The following ZRANB3 variants were observed in gnomAD, a reference collection of about 807,000 sequenced individuals.
ZRANB3 encodes the protein DNA annealing helicase and endonuclease ZRANB3.
Under a neutral mutation model 133.8 loss-of-function variants are expected in ZRANB3, and 125 were observed. The observed-to-expected ratio is 0.93, with a 90% confidence interval of 0.81 to 1.08. ZRANB3 has a LOEUF of 1.08. Ranked by LOEUF, ZRANB3 falls within the 50% of genes least tolerant of loss-of-function variation. The pLI, the probability that ZRANB3 is intolerant of heterozygous loss-of-function variation, is 0.00. For synonymous variants in ZRANB3, 387 were observed against 432.7 expected (o/e 0.89, Z 1.31); for missense variants, 1,229 against 1,275.5 (o/e 0.96, Z 0.56).
At chr2:135,293,730 G>A (rs1444091986) in intron 8 of ZRANB3, among the ~76,000 whole-genome samples, 2 of 149,844 alleles carry the variant, frequency 1.3e-5, no homozygotes, top group African/African-American at 4.9e-5. Flanking sequence ...TTGGTTGTGG[G>A]TTTGTCATAG....
chr2:135,225,310 T>C (rs1384338737), intron 14 of ZRANB3, among the ~76,000 whole-genome samples: 1 of 152,228 alleles, frequency 6.6e-6, no homozygotes. Context: ...AGTTCCTCAG[T>C]GATCTTTTAA....
In ZRANB3 at chr2:135,206,077, T is replaced by A. The variant is rs1470225645; in HGVS notation, c.3009+1357A>T. Among the ~76,000 whole-genome samples the A allele has an allele frequency of 6.6e-5, 10 of 151,998 alleles. 1 individual carries two copies. The highest frequency in any genetic ancestry group is 6.6e-4 in the Admixed American group (10 of 15,252). ...TACCTTGCAGATACAGGAAGACAAATCCAGAATGGCAAATGATCCAGTATA... is the reference window on the plus strand; with the variant it reads ...TACCTTGCAGATACAGGAAGACAAAACCAGAATGGCAAATGATCCAGTATA... On this transcript the variant is annotated intron_variant, in intron 19 of 20. Transcript: ENST00000264159.
At chr2:135,327,125 T>C (rs1452867343) in intron 6 of ZRANB3, among the ~76,000 whole-genome samples, 1 of 152,100 alleles carries the variant, frequency 6.6e-6, no homozygotes, top group Non-Finnish European at 1.5e-5. Flanking sequence ...TGTACTTTTG[T>C]ATATGTTAAT....
intron 3 of ZRANB3, among the ~76,000 whole-genome samples, chr2:135,380,283 G>T (rs1242420530): frequency 2.0e-5 from 3 of 152,166 alleles, no homozygotes; most frequent in Admixed American, 1.3e-4. Context: ...GGATATCCAG[G>T]ACTTGAAGAC....
At chr2:135,261,008 T>C (rs1679937229) in intron 12 of ZRANB3, among the ~76,000 whole-genome samples, 1 of 148,458 alleles carries the variant, frequency 6.7e-6, no homozygotes, top group Non-Finnish European at 1.5e-5. Flanking sequence ...TACTTGAATA[T>C]ATAATATTCA....
chr2:135,319,537 GA>G (rs1328644756), intron 6 of ZRANB3, among the ~76,000 whole-genome samples: 35 of 149,188 alleles, frequency 2.3e-4, no homozygotes, highest in African/African-American at 6.6e-4. Context: ...AATCAAATTT[GA>G]AAAAAATCTC....
chr2:135,313,477 A>C lies in ZRANB3; in HGVS notation c.966+12T>G. 6.4e-7 allele frequency: 1 copy of C among 1,559,220 alleles called. No homozygotes were observed. The highest frequency in any genetic ancestry group is 2.3e-5 in the East Asian group (1 of 44,358). Reference sequence around the variant, plus strand: ...TATGAAGACAAATACATGATGGCCCAGCAAAGAGTACCTTGGCAATAGCAG... The same window carrying C: ...TATGAAGACAAATACATGATGGCCCCGCAAAGAGTACCTTGGCAATAGCAG... On this transcript the variant is annotated intron_variant, in intron 8 of 20. Transcript: ENST00000264159.
At position 135,230,865 on chromosome 2, in the gene ZRANB3, C is replaced by T. The variant is rs769675112; in HGVS notation, c.1602G>A (p.Gln534=). 6.3e-7 allele frequency: 1 copy of T among 1,598,714 alleles called. No individual in the cohort carries two copies. The highest frequency in any genetic ancestry group is 1.3e-5 in the African/African-American group (1 of 74,140). ...TTGATTCGTCACAGGAGGTCATCAA[C>T]TGTCTTTTTTTAGGTTGTGGTACAA... ...SFFVPQPKKR[Q]LMTSCDESKR... The change falls in exon 13 of 21, where the codon CAG becomes CAA. Residue 534 remains glutamine, a synonymous_variant. Coordinates refer to ENST00000264159, the MANE Select transcript of ZRANB3 (RefSeq NM_032143.4).
intron 3 of ZRANB3, among the ~76,000 whole-genome samples, chr2:135,367,249 A>G (rs1421083583): frequency 7.2e-5 from 11 of 152,144 alleles, no homozygotes; most frequent in Admixed American, 5.9e-4. Flanking sequence ...CTCAGTTTAT[A>G]GTGTTTAAAA....
At chr2:135,496,057 T>C (rs1261312174) in intron 2 of ZRANB3, among the ~76,000 whole-genome samples, 1 of 152,132 alleles carries the variant, frequency 6.6e-6, no homozygotes, top group Admixed American at 6.6e-5. Flanking sequence ...AAATCCTCCA[T>C]TGAAGAATTT....
intron 2 of ZRANB3, among the ~76,000 whole-genome samples, chr2:135,480,394 A>G (rs1207410412): frequency 1.3e-5 from 2 of 152,144 alleles, no homozygotes; most frequent in African/African-American, 4.8e-5. Flanking sequence ...CAAAAATTCA[A>G]TCTAGTCAGC....
intron 17 of ZRANB3, among the ~76,000 whole-genome samples, chr2:135,211,701 T>A (rs868714753): frequency 6.6e-6 from 1 of 151,030 alleles, no homozygotes; most frequent in South Asian, 2.1e-4. Context: ...ATTATCATAG[T>A]TTCCCTATTC....
At chr2:135,346,887 TATA>T (rs1684960121) in intron 5 of ZRANB3, among the ~76,000 whole-genome samples, 2 of 152,216 alleles carry the variant, frequency 1.3e-5, no homozygotes, top group Non-Finnish European at 2.9e-5. Flanking sequence ...TGACTAATTC[TATA>T]ATATTTTTAT....
At chr2:135,282,959 T>A (rs1223491884) in intron 8 of ZRANB3, among the ~76,000 whole-genome samples, 4 of 152,198 alleles carry the variant, frequency 2.6e-5, no homozygotes, top group Admixed American at 2.6e-4. Context: ...GTTATTTTCA[T>A]GGAGGTTTGA....
At chr2:135,370,813 G>A (rs1309965950) in intron 3 of ZRANB3, among the ~76,000 whole-genome samples, 1 of 152,188 alleles carries the variant, frequency 6.6e-6, no homozygotes, top group Non-Finnish European at 1.5e-5. Flanking sequence ...TAATCTGCAT[G>A]TGCCAAGGGT....
chr2:135,378,407 T>C (rs2104908268), intron 3 of ZRANB3, among the ~76,000 whole-genome samples: 1 of 151,912 alleles, frequency 6.6e-6, no homozygotes, highest in South Asian at 2.1e-4. Flanking sequence ...GCAGGAGAAT[T>C]GCTTGAACCC....
chr2:135,514,464 A>G (rs1320625489), intron 1 of ZRANB3, among the ~76,000 whole-genome samples: 1 of 152,200 alleles, frequency 6.6e-6, no homozygotes, highest in East Asian at 1.9e-4. Flanking sequence ...GTGTATAAAA[A>G]TGCTTGTGAT....
chr2:135,402,430 G>C (rs1445937556), intron 2 of ZRANB3, among the ~76,000 whole-genome samples: 1 of 151,630 alleles, frequency 6.6e-6, no homozygotes, highest in Non-Finnish European at 1.5e-5. Flanking sequence ...GAGTAGCTGG[G>C]ACTACAGGAG....
chr2:135,450,445 G>T (rs1690217484), intron 2 of ZRANB3, among the ~76,000 whole-genome samples: 1 of 151,956 alleles, frequency 6.6e-6, no homozygotes, highest in Non-Finnish European at 1.5e-5. Flanking sequence ...GGAAACTGAG[G>T]CTCAGAGAGG....
Sources: gnomAD v4.1 joint callset for allele counts (sites outside exome capture counted in the v4.1 genomes callset) on GRCh38, gnomAD v4.1.1 for gene constraint, MANE v1.5 for transcripts, NCBI Gene and HGNC (gene_info 2026-07-23, HGNC 2026-07-21) for gene names.